Variants in SPAG16 observed in about 807,000 individuals in gnomAD.
SPAG16 encodes the protein sperm-associated antigen 16 protein.
In SPAG16, 86 loss-of-function variants were observed where a neutral mutation model predicts 80.4. The observed-to-expected ratio is 1.07, with a 90% CI of 0.90 to 1.28. SPAG16 has a LOEUF of 1.28. SPAG16 is among the 50% of genes most tolerant of loss of function. The pLI is 0.00. For synonymous variants in SPAG16, 294 were observed against 265.9 expected (o/e 1.11, Z -1.03); for missense variants, 870 against 765.3 (o/e 1.14, Z -1.61).
At chr2:213,475,335 A>T (rs2073314912) in intron 9 of SPAG16, among the ~76,000 whole-genome samples, 1 of 152,136 alleles carries the variant, frequency 6.6e-6, no homozygotes. Context: ...CAAGGCTTGG[A>T]CCTGCCTAAA....
chr2:213,522,503 G>C (rs1329542362), intron 10 of SPAG16, among the ~76,000 whole-genome samples: 1 of 152,154 alleles, frequency 6.6e-6, no homozygotes, highest in Non-Finnish European at 1.5e-5. Context: ...CCCCACATCT[G>C]ACTGAAATGG....
At chr2:213,441,872 G>T (rs1307957438) in intron 9 of SPAG16, among the ~76,000 whole-genome samples, 4 of 152,086 alleles carry the variant, frequency 2.6e-5, no homozygotes, top group Non-Finnish European at 4.4e-5. Flanking sequence ...ACACGGCCGG[G>T]GTGGTGGCTC....
At chr2:213,540,749 A>C (rs552058265) in intron 10 of SPAG16, among the ~76,000 whole-genome samples, 1 of 152,384 alleles carries the variant, frequency 6.6e-6, no homozygotes, top group Admixed American at 6.5e-5. Flanking sequence ...TATGCATTTT[A>C]ATTAAAGTAG....
chr2:214,052,304 G>A (rs564101183), intron 13 of SPAG16, among the ~76,000 whole-genome samples: 1 of 152,286 alleles, frequency 6.6e-6, no homozygotes, highest in South Asian at 2.1e-4. Flanking sequence ...GCTATCAGGC[G>A]ACCTTCTTTG....
chr2:213,946,377 TGCTGGG>T (rs2079471620), intron 12 of SPAG16, among the ~76,000 whole-genome samples: 51 of 152,074 alleles, frequency 3.4e-4, no homozygotes, highest in African/African-American at 9.4e-4. Flanking sequence ...CCTCCCAGAG[TGCTGGG>T]ATTACAGGCG....
At chr2:213,335,091 A>G (rs2064289152) in intron 5 of SPAG16, among the ~76,000 whole-genome samples, 2 of 152,194 alleles carry the variant, frequency 1.3e-5, no homozygotes, top group Non-Finnish European at 2.9e-5. Flanking sequence ...AAAAATTTTA[A>G]AAAGTAATAA....
chr2:214,076,342 T>C (rs985061687), intron 13 of SPAG16, among the ~76,000 whole-genome samples: 6 of 152,146 alleles, frequency 3.9e-5, no homozygotes. Flanking sequence ...AGGGATTAAG[T>C]GTTTTACACT....
At chr2:213,675,407 A>G (rs1292090417) in intron 10 of SPAG16, among the ~76,000 whole-genome samples, 3 of 152,108 alleles carry the variant, frequency 2.0e-5, no homozygotes, top group South Asian at 2.1e-4. Flanking sequence ...CCATTTGTCA[A>G]TTTTGGCTTT....
chr2:214,019,278 CT>C (rs10627865), intron 13 of SPAG16, among the ~76,000 whole-genome samples: 10 of 150,870 alleles, frequency 6.6e-5, no homozygotes, highest in South Asian at 2.1e-4. Context: ...AATATTAAGG[CT>C]TTTTTTTTAA....
intron 11 of SPAG16, among the ~76,000 whole-genome samples, chr2:213,875,283 G>C (rs1443955334): frequency 6.6e-6 from 1 of 152,012 alleles, no homozygotes; most frequent in Non-Finnish European, 1.5e-5. Context: ...TAGAATGGAT[G>C]CACTCATTGA....
At chr2:214,203,596 C>G (rs780537954) in intron 15 of SPAG16, among the ~76,000 whole-genome samples, 1 of 152,120 alleles carries the variant, frequency 6.6e-6, no homozygotes, top group Admixed American at 6.6e-5. Context: ...TTTGACCTTA[C>G]CTGGAGCTGA....
intron 15 of SPAG16, among the ~76,000 whole-genome samples, chr2:214,367,579 A>G (rs921446338): frequency 2.0e-5 from 3 of 152,232 alleles, no homozygotes; most frequent in Non-Finnish European, 2.9e-5. Flanking sequence ...TCTACAGGGA[A>G]AAGATGAAAA....
rs139253543 is a variant in SPAG16 at position 213,739,283 on chromosome 2, T to C, written c.1071-123202T>C. Among the ~76,000 whole-genome samples, 318 of 152,334 alleles carry C rather than the reference T, an allele frequency of 2.1e-3. 3 individuals carry two copies. Among genetic ancestry groups the C allele is most frequent in the African/African-American group, 7.0e-3 (290 of 41,582 alleles). ...AACAGGTTAATTTTATAACTACTTA[T>C]TTTATAATGTAGGTTTCATTGCTTT... On this transcript the variant is annotated intron_variant, in intron 10 of 15. Coordinates refer to ENST00000331683, the MANE Select transcript of SPAG16 (RefSeq NM_024532.5).
chr2:213,287,707 A>G (rs1353110783), intron 1 of SPAG16, among the ~76,000 whole-genome samples: 1 of 152,166 alleles, frequency 6.6e-6, no homozygotes, highest in African/African-American at 2.4e-5. Flanking sequence ...CAGTAAGTTT[A>G]AGCCAGTTCT....
At chr2:213,833,923 G>A (rs1458790405) in intron 10 of SPAG16, among the ~76,000 whole-genome samples, 1 of 151,772 alleles carries the variant, frequency 6.6e-6, no homozygotes, top group Non-Finnish European at 1.5e-5. Context: ...TGGTTTGGCT[G>A]TGTCTGCACC....
intron 10 of SPAG16, among the ~76,000 whole-genome samples, chr2:213,593,200 C>A (rs1194046998): frequency 6.6e-6 from 1 of 152,138 alleles, no homozygotes; most frequent in Non-Finnish European, 1.5e-5. Context: ...AGTTCTATTT[C>A]AATATGCTTC....
chr2:213,991,559 C>A (rs1456189324), intron 12 of SPAG16, among the ~76,000 whole-genome samples: 1 of 152,002 alleles, frequency 6.6e-6, no homozygotes. Context: ...TTTTCCATTC[C>A]CTGGTGCTCC....
intron 10 of SPAG16, among the ~76,000 whole-genome samples, chr2:213,577,022 G>A (rs890222871): frequency 1.3e-5 from 2 of 152,014 alleles, no homozygotes; most frequent in Non-Finnish European, 2.9e-5. Flanking sequence ...CATGTATTAA[G>A]TGTCATGATT....
At chr2:213,581,455 G>C (rs2060295647) in intron 10 of SPAG16, among the ~76,000 whole-genome samples, 1 of 152,022 alleles carries the variant, frequency 6.6e-6, no homozygotes, top group South Asian at 2.1e-4. Context: ...GGTTCAACCA[G>C]TCCTCCCATC....
Sources: gnomAD v4.1 joint callset for allele counts (sites outside exome capture counted in the v4.1 genomes callset) on GRCh38, gnomAD v4.1.1 for gene constraint, MANE v1.5 for transcripts, NCBI Gene and HGNC (gene_info 2026-07-23, HGNC 2026-07-21) for gene names.